Variants in GRIN2B observed in about 807,000 individuals in gnomAD.
GRIN2B encodes the protein glutamate receptor ionotropic, NMDA 2B.
A neutral mutation model predicts 114.5 loss-of-function variants in GRIN2B; 5 were observed. That is an observed-to-expected ratio of 0.04 (90% CI 0.02 to 0.09). GRIN2B has a LOEUF of 0.09. Ranked by LOEUF, GRIN2B falls within the 10% of genes least tolerant of loss-of-function variation. The pLI, the probability that GRIN2B is intolerant of heterozygous loss-of-function variation, is 1.00. For missense variants in GRIN2B, 1,108 were observed against 1,943.5 expected (o/e 0.57, Z 8.08); for synonymous variants, 787 against 745.1 (o/e 1.06, Z -0.92).
At chr12:13,881,677 G>A (rs1269384175) in intron 2 of GRIN2B, among the ~76,000 whole-genome samples, 1 of 152,094 alleles carries the variant, frequency 6.6e-6, no homozygotes, top group African/African-American at 2.4e-5. Flanking sequence ...CTTTAGCACC[G>A]AATTCTTTCT....
chr12:13,677,157 AT>A (rs1950082643), intron 4 of GRIN2B, among the ~76,000 whole-genome samples: 1 of 152,190 alleles, frequency 6.6e-6, no homozygotes, highest in African/African-American at 2.4e-5. Context: ...CTCTGTGTTC[AT>A]ATGACATGTT....
chr12:13,685,433 A>G (rs1226255469), intron 4 of GRIN2B, among the ~76,000 whole-genome samples: 1 of 152,196 alleles, frequency 6.6e-6, no homozygotes, highest in Non-Finnish European at 1.5e-5. Context: ...GTTATAATTT[A>G]GTTTTCCAGT....
intron 3 of GRIN2B, among the ~76,000 whole-genome samples, chr12:13,859,997 C>A (rs1865728001): frequency 6.6e-6 from 1 of 152,156 alleles, no homozygotes; most frequent in African/African-American, 2.4e-5. Context: ...CTAACAGACA[C>A]CAGAAATTAG....
intron 2 of GRIN2B, among the ~76,000 whole-genome samples, chr12:13,891,355 C>A (rs1229257218): frequency 6.6e-6 from 1 of 152,210 alleles, no homozygotes. Flanking sequence ...AAGGTCCTGA[C>A]CAGCTTGTAA....
At chr12:13,814,462 A>G (rs1864783005) in intron 3 of GRIN2B, among the ~76,000 whole-genome samples, 1 of 152,246 alleles carries the variant, frequency 6.6e-6, no homozygotes, top group African/African-American at 2.4e-5. Flanking sequence ...ACTAACAGTT[A>G]CAAAATAACC....
chr12:13,646,917 G>A (rs967602272), intron 5 of GRIN2B, among the ~76,000 whole-genome samples: 7 of 152,036 alleles, frequency 4.6e-5, no homozygotes, highest in East Asian at 1.9e-4. Context: ...CTATGAAGAG[G>A]GTCGCATGGC....
chr12:13,590,557 T>C (rs1948994337), intron 10 of GRIN2B, among the ~76,000 whole-genome samples: 1 of 152,212 alleles, frequency 6.6e-6, no homozygotes, highest in Admixed American at 6.5e-5. Context: ...GCTTTATCCA[T>C]GTCCCTGCAA....
chr12:13,636,073 T>C (rs2136502340), intron 5 of GRIN2B, among the ~76,000 whole-genome samples: 1 of 151,468 alleles, frequency 6.6e-6, no homozygotes, highest in Admixed American at 6.6e-5. Flanking sequence ...TGATGGGAGT[T>C]AGACAGGATG....
chr12:13,741,092 G>A (rs368395184), intron 4 of GRIN2B, among the ~76,000 whole-genome samples: 1 of 152,146 alleles, frequency 6.6e-6, no homozygotes, highest in East Asian at 1.9e-4. Context: ...GTGCAGTGGT[G>A]TGATCTCAGC....
chr12:13,563,876 C>T lies in GRIN2B; in HGVS notation c.3362G>A (p.Arg1121His), dbSNP rs774414261. Residue 1121 changes from arginine to histidine, a missense_variant, in exon 14 of 14, where the codon CGC becomes CAC. Arg to His is a conservative substitution (Grantham distance 29). This residue lies in a region of GRIN2B where 478 missense variants were observed against 506.0 expected (regional missense o/e 0.94). Coordinates refer to ENST00000609686, the MANE Select transcript of GRIN2B (RefSeq NM_000834.5). ...RRPPRSPDHK[R>H]YFRDKEGLRD... ...TAGCCCTTCCTTGTCCCTGAAGTAG[C>T]GCTTGTGGTCAGGGGAGCGGGGCGG... The T allele has an allele frequency of 1.9e-6, 3 of 1,614,012 alleles. No individual in the cohort carries two copies. Among genetic ancestry groups the T allele is most frequent in the Admixed American group, 1.7e-5 (1 of 60,008 alleles).
At chr12:13,735,706 T>C (rs756430542) in intron 4 of GRIN2B, among the ~76,000 whole-genome samples, 1 of 152,178 alleles carries the variant, frequency 6.6e-6, no homozygotes, top group Non-Finnish European at 1.5e-5. Flanking sequence ...GATCACGCCC[T>C]AATCTTATTT....
At chr12:13,697,255 C>T (rs1189445393) in intron 4 of GRIN2B, among the ~76,000 whole-genome samples, 1 of 152,114 alleles carries the variant, frequency 6.6e-6, no homozygotes, top group Non-Finnish European at 1.5e-5. Context: ...AAATGTGCAA[C>T]CATAACCTTA....
chr12:13,934,495 G>A (rs983150605), intron 2 of GRIN2B, among the ~76,000 whole-genome samples: 1 of 152,196 alleles, frequency 6.6e-6, no homozygotes, highest in Non-Finnish European at 1.5e-5. Context: ...ACACAAGACT[G>A]CAGGGCTTGT....
intron 2 of GRIN2B, among the ~76,000 whole-genome samples, chr12:13,916,056 A>G (rs998267518): frequency 1.3e-5 from 2 of 152,070 alleles, no homozygotes; most frequent in Admixed American, 6.6e-5. Context: ...AACTCTATAG[A>G]GCTGTGGGGC....
chr12:13,765,602 G>T (rs1223240377), intron 3 of GRIN2B, among the ~76,000 whole-genome samples: 1 of 152,198 alleles, frequency 6.6e-6, no homozygotes, highest in Non-Finnish European at 1.5e-5. Flanking sequence ...TTCTTCCTGA[G>T]CCTAAACAAT....
At chr12:13,860,234 T>C (rs1565565569) in intron 3 of GRIN2B, among the ~76,000 whole-genome samples, 2 of 152,230 alleles carry the variant, frequency 1.3e-5, no homozygotes. Context: ...TAGGGCCATC[T>C]TCCTATCCCC....
At chr12:13,642,120 A>G (rs1949723037) in intron 5 of GRIN2B, among the ~76,000 whole-genome samples, 1 of 152,076 alleles carries the variant, frequency 6.6e-6, no homozygotes, top group Non-Finnish European at 1.5e-5. Flanking sequence ...ATCCAGAAGC[A>G]GATGTTGCAG....
At chr12:13,908,179 T>C (rs1479472654) in intron 2 of GRIN2B, among the ~76,000 whole-genome samples, 1 of 151,740 alleles carries the variant, frequency 6.6e-6, no homozygotes, top group Non-Finnish European at 1.5e-5. Context: ...CAACCATCTC[T>C]ATCATCCAAG....
chr12:13,677,744 C>A (rs1950088869), intron 4 of GRIN2B, among the ~76,000 whole-genome samples: 1 of 151,970 alleles, frequency 6.6e-6, no homozygotes, highest in Non-Finnish European at 1.5e-5. Context: ...AAAGCTGAAA[C>A]CTCCTCCCCT....
Sources: allele counts gnomAD v4.1 joint callset (sites outside exome capture counted in the v4.1 genomes callset), GRCh38; gene constraint gnomAD v4.1.1; regional missense constraint gnomAD v4.1.1; transcripts MANE v1.5; gene names NCBI Gene and HGNC (gene_info 2026-07-23, HGNC 2026-07-21).